The following KMT5B variants were observed in gnomAD, a reference collection of about 807,000 sequenced individuals.
The protein encoded by KMT5B is lysine methyltransferase 5B.
In KMT5B, 10 loss-of-function variants were observed where a neutral mutation model predicts 83.2. The observed-to-expected ratio is 0.12, with a 90% confidence interval of 0.07 to 0.20. KMT5B has a LOEUF of 0.20. Among genes scored for constraint, KMT5B ranks in the 10% least tolerant of loss-of-function variants. The probability of loss-of-function intolerance (pLI) is 1.00; values close to 1 mark genes in which losing one functional copy is unlikely to be tolerated. For synonymous variants in KMT5B, 349 were observed against 388.8 expected (o/e 0.90, Z 1.20); for missense variants, 753 against 1,067.2 (o/e 0.71, Z 4.10).
intron 1 of KMT5B, among the ~76,000 whole-genome samples, chr11:68,199,903 A>G (rs1308349311): frequency 6.6e-6 from 1 of 152,186 alleles, no homozygotes; most frequent in African/African-American, 2.4e-5. Flanking sequence ...GCAAATGAAG[A>G]ATGGAATTAA....
At chr11:68,207,667 C>T (rs975577341) in intron 1 of KMT5B, among the ~76,000 whole-genome samples, 2 of 150,948 alleles carry the variant, frequency 1.3e-5, no homozygotes, top group East Asian at 2.0e-4. Context: ...GGCACCTGCC[C>T]GTAGTCCCAG....
intron 1 of KMT5B, among the ~76,000 whole-genome samples, chr11:68,196,621 C>T (rs184627909): frequency 5.9e-5 from 9 of 151,730 alleles, no homozygotes; most frequent in Admixed American, 5.3e-4. Context: ...CTCAAAATGT[C>T]CATGGTGTGT....
intron 10 of KMT5B, among the ~76,000 whole-genome samples, chr11:68,165,455 G>C (rs998005623): frequency 2.6e-5 from 4 of 152,046 alleles, no homozygotes; most frequent in African/African-American, 9.7e-5. Flanking sequence ...AGTGAGCTGA[G>C]AGTGTGCCAC....
intron 1 of KMT5B, among the ~76,000 whole-genome samples, chr11:68,209,047 T>A (rs1338981933): frequency 6.6e-6 from 1 of 152,234 alleles, no homozygotes; most frequent in East Asian, 1.9e-4. Context: ...AGCCCCCTTT[T>A]ACTTCTCAGT....
intron 1 of KMT5B, among the ~76,000 whole-genome samples, chr11:68,199,727 C>T (rs1859183823): frequency 6.6e-6 from 1 of 152,158 alleles, no homozygotes; most frequent in Admixed American, 6.5e-5. Context: ...TAGTAGTAGT[C>T]TATTTACTAA....
intron 1 of KMT5B, among the ~76,000 whole-genome samples, chr11:68,194,052 T>A (rs1858408065): frequency 6.6e-6 from 1 of 152,102 alleles, no homozygotes; most frequent in Admixed American, 6.6e-5. Flanking sequence ...GGATCTTGGA[T>A]CCCCAGCAGT....
At chr11:68,181,075 C>CTTTTTT (rs71461690) in intron 3 of KMT5B, among the ~76,000 whole-genome samples, 1 of 143,686 alleles carries the variant, frequency 7.0e-6, no homozygotes, top group Non-Finnish European at 1.5e-5. Flanking sequence ...TTTCTTTTTT[C>CTTTTTT]TTTTTTTTTT....
chr11:68,197,275 G>A (rs890252580), intron 1 of KMT5B, among the ~76,000 whole-genome samples: 1 of 152,076 alleles, frequency 6.6e-6, no homozygotes, highest in African/African-American at 2.4e-5. Context: ...GCCCGGCCAT[G>A]GAAAGTCTTT....
intron 10 of KMT5B, among the ~76,000 whole-genome samples, chr11:68,162,630 C>A (rs966064374): frequency 3.9e-5 from 6 of 152,172 alleles, no homozygotes; most frequent in African/African-American, 1.2e-4. Flanking sequence ...CCCATCCCAT[C>A]CCTCCTTCCA....
intron 1 of KMT5B, among the ~76,000 whole-genome samples, chr11:68,194,987 C>T (rs1266784741): frequency 1.3e-5 from 2 of 152,016 alleles, no homozygotes; most frequent in Admixed American, 1.3e-4. Flanking sequence ...CCAGCCTGGG[C>T]AACACGGCAA....
At chr11:68,173,664 G>A in intron 6 of KMT5B, 140 bp downstream of exon 6, 2 of 594,088 alleles carry the variant, frequency 3.4e-6, no homozygotes, top group Non-Finnish European at 2.9e-6. Flanking sequence ...CCAGCTGATG[G>A]GCCAAGGCAA....
At chr11:68,166,321 A>G in intron 10 of KMT5B, 2 of 1,054,352 alleles carry the variant, frequency 1.9e-6, no homozygotes, top group Non-Finnish European at 2.3e-6. Context: ...TCTCTTTTTC[A>G]GTTTCCATCA....
chr11:68,165,834 T>C, intron 10 of KMT5B: 1 of 1,611,616 alleles, frequency 6.2e-7, no homozygotes, highest in South Asian at 1.1e-5. Flanking sequence ...CAGCGCTGCT[T>C]TTATGCTACA....
chr11:68,165,768 T>C, intron 10 of KMT5B: 2 of 1,497,822 alleles, frequency 1.3e-6, no homozygotes, highest in Non-Finnish European at 1.8e-6. Context: ...AGTTAATGAT[T>C]GACTAACTCT....
chr11:68,203,297 A>G (rs1011090551), intron 1 of KMT5B, among the ~76,000 whole-genome samples: 1 of 152,220 alleles, frequency 6.6e-6, no homozygotes, highest in Non-Finnish European at 1.5e-5. Context: ...TATCATTAGA[A>G]TCCAGCACAA....
intron 1 of KMT5B, among the ~76,000 whole-genome samples, chr11:68,195,241 C>CT (rs1174066598): frequency 6.6e-6 from 1 of 152,120 alleles, no homozygotes; most frequent in Non-Finnish European, 1.5e-5. Context: ...CTCTCAGAAG[C>CT]TATGTGGTTT....
chr11:68,177,480 G>A (rs1348005377), intron 4 of KMT5B, among the ~76,000 whole-genome samples: 2 of 152,004 alleles, frequency 1.3e-5, no homozygotes, highest in Non-Finnish European at 2.9e-5. Context: ...AAGACATGAG[G>A]TCCTGAACAG....
intron 10 of KMT5B, among the ~76,000 whole-genome samples, chr11:68,162,103 C>A (rs1854920358): frequency 6.6e-6 from 1 of 152,298 alleles, no homozygotes; most frequent in East Asian, 1.9e-4. Flanking sequence ...GTGGAGTCCA[C>A]CCCTGCAATG....
chr11:68,165,160 G>A (rs961675700), intron 10 of KMT5B, among the ~76,000 whole-genome samples: 1 of 152,146 alleles, frequency 6.6e-6, no homozygotes, highest in Non-Finnish European at 1.5e-5. Flanking sequence ...CTCTGTGGCT[G>A]TCTCCATATA....
Sources: allele counts gnomAD v4.1 joint callset (sites outside exome capture counted in the v4.1 genomes callset), GRCh38; gene constraint gnomAD v4.1.1; transcripts MANE v1.5; gene names NCBI Gene and HGNC (gene_info 2026-07-23, HGNC 2026-07-21).